Variants in TNN observed in about 807,000 individuals in gnomAD.
TNN encodes tenascin N.
A neutral mutation model predicts 134.4 loss-of-function variants in TNN; 122 were observed. The observed-to-expected ratio is 0.91, with a 90% CI of 0.78 to 1.06. The LOEUF is 1.06. Among genes scored for constraint, TNN ranks in the 50% least tolerant of loss-of-function variants. The pLI is 0.00. For missense variants in TNN, 1,739 were observed against 1,699.4 expected, an observed-to-expected ratio of 1.02 and a Z score of -0.41; for synonymous variants, 710 against 670.3, an observed-to-expected ratio of 1.06 and a Z score of -0.91.
rs72004754 is a variant in TNN, at chr1:175,136,321, TCC to T, written c.3427+384_3427+385del. On this transcript the variant is annotated intron_variant, in intron 16 of 18. Transcript: ENST00000239462. ...ATGCCAGGCATTATGAGCAATTTTT[TCC>T]CCCTTTTCCCTCTGCTCTCCTCTGG... Among the ~76,000 whole-genome samples the T allele has an allele frequency of 4.1e-3, 626 of 152,240 alleles. 6 individuals are homozygous for T. The highest frequency in any genetic ancestry group is 0.014 in the African/African-American group (586 of 41,522).
chr1:175,075,924 GT>G (rs1258604866), intron 1 of TNN, among the ~76,000 whole-genome samples: 2 of 152,202 alleles, frequency 1.3e-5, no homozygotes, highest in African/African-American at 4.8e-5. Context: ...AGAGGACTGT[GT>G]TTCCTGACTT....
At chr1:175,074,484 G>GAAAAAAAAAA (rs55952749) in intron 1 of TNN, among the ~76,000 whole-genome samples, 1 of 119,020 alleles carries the variant, frequency 8.4e-6, no homozygotes. Flanking sequence ...GATCCTGTCT[G>GAAAAAAAAAA]AAAAAAAAAA....
At chr1:175,143,548 G>A (rs1287278734) in intron 17 of TNN, among the ~76,000 whole-genome samples, 3 of 84,988 alleles carry the variant, frequency 3.5e-5, no homozygotes, top group African/African-American at 1.3e-4. Flanking sequence ...TTAGGAGGGT[G>A]CATGGGAAGA....
chr1:175,143,635 G>C (rs534194874), intron 17 of TNN, among the ~76,000 whole-genome samples: 3 of 152,216 alleles, frequency 2.0e-5, no homozygotes, highest in Admixed American at 2.0e-4. Context: ...ACAGATGAGG[G>C]CAGAGAGAAA....
intron 1 of TNN, among the ~76,000 whole-genome samples, chr1:175,074,319 CA>C (rs1328883225): frequency 3.3e-5 from 5 of 151,252 alleles, no homozygotes; most frequent in African/African-American, 7.3e-5. Flanking sequence ...CCCATCTCCA[CA>C]AAAAAAATAC....
intron 1 of TNN, among the ~76,000 whole-genome samples, chr1:175,077,062 G>A (rs1458188221): frequency 6.6e-6 from 1 of 152,186 alleles, no homozygotes; most frequent in East Asian, 1.9e-4. Context: ...CAGAATTAGG[G>A]GGATCAAAGC....
rs192247987 is a variant in TNN at position 175,098,061 on chromosome 1, G to A, written c.1856-271G>A. The stretch of plus-strand genomic sequence containing the variant: ...CATGGCAGCTGTTTAATTGGAGGTT[G>A]TGATGTGCCATATGCTGCTGAGAAG... On this transcript the variant is annotated intron_variant, in intron 8 of 18. Transcript: ENST00000239462. 2.0e-4 allele frequency among the ~76,000 whole-genome samples: 31 copies of A among 152,330 alleles called. No homozygotes were observed. In the East Asian group the frequency reaches 3.5e-3, roughly 17 times the overall value.
At chr1:175,093,890 T>C (rs1033961306) in intron 6 of TNN, 100 bp from the exon 7 acceptor site, 1 of 1,288,204 alleles carries the variant, frequency 7.8e-7, no homozygotes, top group South Asian at 1.5e-5. Context: ...GCATAAACTA[T>C]TGAACTAGGT....
At position 175,147,304 on chromosome 1, in the gene TNN, G is replaced by T; in HGVS notation, c.*233G>T. ...CAGTATGTGTAGGAAAGACAGTACT[G>T]GAACGGCAAGGTTTCTCAGCTTATC... On this transcript the variant is annotated 3_prime_UTR_variant, in exon 19 of 19. Coordinates refer to ENST00000239462, the MANE Select transcript of TNN (RefSeq NM_022093.2). 2.6e-6 allele frequency: 1 copy of T among 386,664 alleles called. No individual in the cohort carries two copies. The highest frequency in any genetic ancestry group is 3.8e-5 in the East Asian group (1 of 26,234). 24.0% of individuals were successfully genotyped at this position (386,664 alleles called of 1,614,324 possible). A position where few individuals can be genotyped will look rare whatever the true frequency, so the allele number is the denominator to read the frequency against.
intron 15 of TNN, among the ~76,000 whole-genome samples, chr1:175,134,475 G>A (rs10912893): frequency 0.65 from 97,153 of 150,582 alleles, 32,194 homozygotes; most frequent in African/African-American, 0.71. Context: ...AACCCGGGAG[G>A]CGGAGGTTGC....
intron 1 of TNN, among the ~76,000 whole-genome samples, chr1:175,069,770 G>T (rs149097060): frequency 6.6e-6 from 1 of 152,328 alleles, no homozygotes; most frequent in African/African-American, 2.4e-5. Flanking sequence ...TGGACTCACT[G>T]CTAATGCTGC....
chr1:175,144,129 G>A (rs1676005077), intron 17 of TNN, among the ~76,000 whole-genome samples: 1 of 152,200 alleles, frequency 6.6e-6, no homozygotes, highest in African/African-American at 2.4e-5. Context: ...TGATCTGACT[G>A]TGGAGCTTCC....
intron 18 of TNN, 78 bp from the exon 19 acceptor site, chr1:175,146,853 A>T (rs1329118247): frequency 7.8e-7 from 1 of 1,279,292 alleles, no homozygotes; most frequent in African/African-American, 1.5e-5. Flanking sequence ...TAATTAATTA[A>T]TTCCTTTGTA....
chr1:175,097,745 G>A (rs1674608820), intron 8 of TNN, 62 bp downstream of exon 8: 1 of 1,600,454 alleles, frequency 6.2e-7, no homozygotes, highest in Middle Eastern at 1.7e-4. Context: ...AATAGGTATG[G>A]TATCAAAGGA....
intron 9 of TNN, among the ~76,000 whole-genome samples, chr1:175,108,968 A>G (rs1674941458): frequency 6.6e-6 from 1 of 151,048 alleles, no homozygotes; most frequent in African/African-American, 2.4e-5. Flanking sequence ...CAGGCAGAGG[A>G]GGTGCCAAGA....
chr1:175,094,887 C>T lies in TNN; in HGVS notation c.1588+634C>T, dbSNP rs141384230. 5.0e-4 allele frequency among the ~76,000 whole-genome samples: 76 copies of T among 152,278 alleles called. 2 individuals are homozygous for T. In the East Asian group the frequency reaches 0.014, roughly 29 times the overall value. On this transcript the variant is annotated intron_variant, in intron 7 of 18. Transcript: ENST00000239462. ...GGTGCCCGCATGAGGTTCCAAAACA[C>T]CTGGCAGGAAATCAGAGGGAAAGGC...
chr1:175,098,615 GCTGTGCCGATGCCATGCTCAGGGT>G lies in TNN; in HGVS notation c.2119+25_2119+48del, dbSNP rs1456012392. ...AGACAGGTAAGGAGTGTGCATTATT[GCTGTGCCGATGCCATGCTCAGGGT>G]CTGTCTACATGGGGTTTTCTTCTCT... On this transcript the variant is annotated intron_variant, in intron 9 of 18. Transcript: ENST00000239462. 18 of 1,613,666 alleles carry G rather than the reference GCTGTGCCGATGCCATGCTCAGGGT, an allele frequency of 1.1e-5. No individual in the cohort carries two copies. The African/African-American group carries it at 2.4e-4, about 22-fold the overall frequency.
chr1:175,072,508 GC>G (rs1673936415), intron 1 of TNN, among the ~76,000 whole-genome samples: 1 of 152,096 alleles, frequency 6.6e-6, no homozygotes, highest in South Asian at 2.1e-4. Context: ...TGCCCTGTCT[GC>G]CCCCTCCCCA....
chr1:175,136,048 G>C, intron 16 of TNN, 107 bp downstream of exon 16: 3 of 778,884 alleles, frequency 3.9e-6, no homozygotes, highest in Non-Finnish European at 6.8e-6. Context: ...AGAGGCCCCA[G>C]TGGCAGGGAG....
Sources: gnomAD v4.1 joint callset for allele counts (sites outside exome capture counted in the v4.1 genomes callset) on GRCh38, gnomAD v4.1.1 for gene constraint, MANE v1.5 for transcripts, NCBI Gene and HGNC (gene_info 2026-07-23, HGNC 2026-07-21) for gene names.